Variants in PHF14 observed in about 807,000 individuals in gnomAD.
PHF14 encodes PHD finger protein 14.
PHF14 carries 55 observed loss-of-function variants against 117.9 expected under a neutral mutation model. That is an observed-to-expected ratio of 0.47 (90% CI 0.38 to 0.58). The LOEUF (loss-of-function observed/expected upper bound fraction) is 0.58, where lower values mean the gene tolerates loss of function less well. Ranked by LOEUF, PHF14 falls within the 20% of genes least tolerant of loss-of-function variation. The pLI, the probability that PHF14 is intolerant of heterozygous loss-of-function variation, is 0.00. For missense variants in PHF14, 978 were observed against 1,122.2 expected, an observed-to-expected ratio of 0.87 and a Z score of 1.84; for synonymous variants, 409 against 368.6, an observed-to-expected ratio of 1.11 and a Z score of -1.26.
chr7:11,114,786 C>G (rs767229355), intron 17 of PHF14, among the ~76,000 whole-genome samples: 1 of 152,024 alleles, frequency 6.6e-6, no homozygotes, highest in African/African-American at 2.4e-5. Flanking sequence ...CACATACACT[C>G]ATACACAAAA....
intron 16 of PHF14, among the ~76,000 whole-genome samples, chr7:11,101,458 CTG>C (rs1458911950): frequency 6.6e-6 from 1 of 151,830 alleles, no homozygotes; most frequent in East Asian, 1.9e-4. Flanking sequence ...CACTTAGAGA[CTG>C]AAGCACTGAA....
chr7:11,136,147 C>T (rs1399575256), intron 17 of PHF14, among the ~76,000 whole-genome samples: 1 of 152,112 alleles, frequency 6.6e-6, no homozygotes. Flanking sequence ...TCCTTCATTT[C>T]TCATCACATA....
At position 10,982,936 on chromosome 7, in the gene PHF14, C is replaced by T. The variant is rs373939483; in HGVS notation, c.677C>T (p.Ala226Val). 4 of 1,606,952 alleles carry T rather than the reference C, an allele frequency of 2.5e-6. No individual in the cohort carries two copies. Among genetic ancestry groups the T allele is most frequent in the Non-Finnish European group, 2.6e-6 (3 of 1,176,186 alleles). The stretch of plus-strand genomic sequence containing the variant: ...GTAGTAAAGAGAAAAGGGAGATCTG[C>T]GTCTCAGAAAGAGGGAAGTGATGGA... Reference protein sequence around the residue: ...PTVVKRKGRSASQKEGSDGDN... With the variant: ...PTVVKRKGRSVSQKEGSDGDN... Residue 226 changes from alanine (A) to valine (V), a missense_variant, in exon 3 of 18, where the codon GCG (alanine) becomes GTG (valine). This residue lies in a region of PHF14 where 414 missense variants were observed against 376.4 expected (regional missense o/e 1.10). Transcript: ENST00000634607.
chr7:11,086,122 G>T (rs955315301), intron 16 of PHF14, among the ~76,000 whole-genome samples: 1 of 152,104 alleles, frequency 6.6e-6, no homozygotes, highest in Non-Finnish European at 1.5e-5. Flanking sequence ...CTCCTGGACC[G>T]TTGCAATAAC....
intron 4 of PHF14, among the ~76,000 whole-genome samples, chr7:11,008,362 G>A (rs942621191): frequency 2.0e-5 from 3 of 152,142 alleles, no homozygotes; most frequent in Admixed American, 2.0e-4. Flanking sequence ...CCAACCAGGT[G>A]GTACTGGTCC....
intron 17 of PHF14, among the ~76,000 whole-genome samples, chr7:11,163,566 A>G (rs1235673635): frequency 6.6e-6 from 1 of 152,202 alleles, no homozygotes; most frequent in African/African-American, 2.4e-5. Flanking sequence ...TTCGCACTTT[A>G]CTTAATGATC....
chr7:11,156,652 G>A (rs1355403268), intron 17 of PHF14, among the ~76,000 whole-genome samples: 2 of 152,008 alleles, frequency 1.3e-5, no homozygotes, highest in African/African-American at 2.4e-5. Flanking sequence ...AAAATTAGCC[G>A]GGTGTAGTGG....
chr7:11,155,542 A>G (rs1438858653), intron 17 of PHF14, among the ~76,000 whole-genome samples: 1 of 151,742 alleles, frequency 6.6e-6, no homozygotes, highest in Admixed American at 6.6e-5. Context: ...TGCTTGACCA[A>G]CTCTTTCTTA....
At chr7:10,978,797 G>C (rs1353578786) in intron 2 of PHF14, among the ~76,000 whole-genome samples, 1 of 152,006 alleles carries the variant, frequency 6.6e-6, no homozygotes, top group Non-Finnish European at 1.5e-5. Context: ...GACATTGCCA[G>C]TTGTCCTCTG....
intron 12 of PHF14, among the ~76,000 whole-genome samples, chr7:11,042,127 C>A (rs1554263431): frequency 6.6e-6 from 1 of 151,708 alleles, no homozygotes; most frequent in Non-Finnish European, 1.5e-5. Context: ...AATTTTTTTA[C>A]TTTTGAATTT....
chr7:11,128,516 C>T (rs1001740700), intron 17 of PHF14, among the ~76,000 whole-genome samples: 6 of 151,992 alleles, frequency 3.9e-5, no homozygotes, highest in African/African-American at 1.4e-4. Context: ...CACTTTTTCC[C>T]AGTCACTCTT....
intron 16 of PHF14, chr7:11,063,003 A>G (rs1785285498): frequency 3.7e-6 from 3 of 807,078 alleles, no homozygotes; most frequent in African/African-American, 3.7e-5. Flanking sequence ...TAAAACAAAT[A>G]TATTAGTGTT....
chr7:11,132,862 T>C (rs976217906), intron 17 of PHF14, among the ~76,000 whole-genome samples: 1 of 151,870 alleles, frequency 6.6e-6, no homozygotes, highest in Non-Finnish European at 1.5e-5. Flanking sequence ...TTAGTGATGT[T>C]GAGCACCTTT....
chr7:11,077,657 GTA>G (rs1785917194), intron 16 of PHF14, among the ~76,000 whole-genome samples: 1 of 149,834 alleles, frequency 6.7e-6, no homozygotes, highest in South Asian at 2.1e-4. Flanking sequence ...CATTTTGTGA[GTA>G]TGATTTGGAG....
intron 16 of PHF14, among the ~76,000 whole-genome samples, chr7:11,077,542 A>G (rs1325406774): frequency 6.9e-6 from 1 of 144,718 alleles, no homozygotes; most frequent in Non-Finnish European, 1.5e-5. Flanking sequence ...CAAAGGTTGT[A>G]GTGAGCCCAG....
At chr7:11,103,401 A>G (rs1177818659) in intron 16 of PHF14, 2 of 980,498 alleles carry the variant, frequency 2.0e-6, no homozygotes, top group Non-Finnish European at 2.4e-6. Context: ...ATTATTGACT[A>G]TACAACCTAC....
chr7:11,149,060 A>G (rs552256858), intron 17 of PHF14, among the ~76,000 whole-genome samples: 31 of 152,146 alleles, frequency 2.0e-4, no homozygotes, highest in Admixed American at 7.2e-4. Context: ...AAAACTGAGA[A>G]TGAGGGGTCA....
chr7:11,106,130 A>G (rs1392944826), intron 16 of PHF14: 3 of 983,476 alleles, frequency 3.1e-6, no homozygotes, highest in African/African-American at 3.5e-5. Flanking sequence ...GTTTTGTCTC[A>G]TCTTTCATTT....
At chr7:11,111,636 G>A (rs1229972433) in intron 17 of PHF14, among the ~76,000 whole-genome samples, 169 bp downstream of exon 17, 2 of 151,752 alleles carry the variant, frequency 1.3e-5, no homozygotes, top group Non-Finnish European at 2.9e-5. Context: ...CTTAAATTAA[G>A]GAAAAAACAA....
Sources: gnomAD v4.1 joint callset for allele counts (sites outside exome capture counted in the v4.1 genomes callset) on GRCh38, gnomAD v4.1.1 for gene constraint, gnomAD v4.1.1 regional missense constraint, MANE v1.5 for transcripts, NCBI Gene and HGNC (gene_info 2026-07-23, HGNC 2026-07-21) for gene names.